The following ARHGAP18 variants were observed in gnomAD, a reference collection of about 807,000 sequenced individuals.
ARHGAP18 encodes the protein Rho GTPase activating protein 18.
In ARHGAP18, 67 loss-of-function variants were observed where a neutral mutation model predicts 86.2. The ratio of observed to expected loss-of-function variants is 0.78; its 90% CI spans 0.64 to 0.95. The LOEUF (loss-of-function observed/expected upper bound fraction) is 0.95, where lower values mean the gene tolerates loss of function less well. ARHGAP18 is among the 40% of genes least tolerant of loss of function. The probability of loss-of-function intolerance (pLI) is 0.00; values close to 1 mark genes in which losing one functional copy is unlikely to be tolerated. For synonymous variants in ARHGAP18, 283 were observed against 280.4 expected (o/e 1.01, Z -0.09); for missense variants, 691 against 780.4 (o/e 0.89, Z 1.37).
chr6:129,668,001 A>G (rs886549164), intron 1 of ARHGAP18, among the ~76,000 whole-genome samples: 1 of 152,212 alleles, frequency 6.6e-6, no homozygotes, highest in Non-Finnish European at 1.5e-5. Context: ...AGAGGCTGAC[A>G]ATAGTTTCCA....
At chr6:129,680,428 T>C (rs6908507) in intron 1 of ARHGAP18, among the ~76,000 whole-genome samples, 6,471 of 152,300 alleles carry the variant, frequency 0.042, 435 homozygotes, top group African/African-American at 0.14. Context: ...GGAAGTACCA[T>C]ACAAATTAAA....
At chr6:129,613,246 A>AG (rs892470000) in intron 7 of ARHGAP18, among the ~76,000 whole-genome samples, 5 of 151,486 alleles carry the variant, frequency 3.3e-5, no homozygotes, top group African/African-American at 1.2e-4. Context: ...AAAAAAAAAA[A>AG]AAAGAAAAGA....
At chr6:129,663,588 C>T (rs1304968971) in intron 1 of ARHGAP18, among the ~76,000 whole-genome samples, 1 of 152,164 alleles carries the variant, frequency 6.6e-6, no homozygotes, top group Non-Finnish European at 1.5e-5. Flanking sequence ...GACTCCCAGT[C>T]AGGAAACAGC....
At chr6:129,625,893 ATTATATAT>A (rs1789442313) in intron 5 of ARHGAP18, among the ~76,000 whole-genome samples, 1 of 86,578 alleles carries the variant, frequency 1.2e-5, no homozygotes, top group East Asian at 2.7e-4. Context: ...TATATTATAT[ATTATATAT>A]TTATATATTA....
intron 13 of ARHGAP18, among the ~76,000 whole-genome samples, chr6:129,580,927 A>C (rs1788274028): frequency 6.6e-6 from 1 of 152,172 alleles, no homozygotes; most frequent in Non-Finnish European, 1.5e-5. Context: ...TGTGCAAATG[A>C]GGGCAGCACA....
At chr6:129,663,775 G>A (rs188750999) in intron 1 of ARHGAP18, among the ~76,000 whole-genome samples, 2 of 152,330 alleles carry the variant, frequency 1.3e-5, no homozygotes, top group East Asian at 3.9e-4. Flanking sequence ...AGAACAATTA[G>A]CCACAATGAT....
intron 9 of ARHGAP18, among the ~76,000 whole-genome samples, chr6:129,606,857 A>G (rs1321468499): frequency 6.7e-6 from 1 of 149,114 alleles, no homozygotes; most frequent in Non-Finnish European, 1.5e-5. Flanking sequence ...AGCTCACCGC[A>G]ATTTATTCTT....
chr6:129,701,320 T>G (rs967448316), intron 1 of ARHGAP18, among the ~76,000 whole-genome samples: 5 of 152,164 alleles, frequency 3.3e-5, no homozygotes, highest in African/African-American at 1.2e-4. Context: ...GTCCTAAATA[T>G]CTTAGCAAAG....
intron 5 of ARHGAP18, among the ~76,000 whole-genome samples, chr6:129,627,655 G>A (rs1789508870): frequency 6.6e-6 from 1 of 151,592 alleles, no homozygotes; most frequent in African/African-American, 2.4e-5. Context: ...GGGAAAGGAA[G>A]AAAGAAGGAA....
chr6:129,656,635 T>C (rs898779467), intron 1 of ARHGAP18, among the ~76,000 whole-genome samples: 2 of 149,728 alleles, frequency 1.3e-5, no homozygotes, highest in Non-Finnish European at 3.0e-5. Context: ...CAAAGCGAGA[T>C]TCCGTCTCAA....
At chr6:129,637,179 C>T (rs933782248) in intron 3 of ARHGAP18, among the ~76,000 whole-genome samples, 1 of 151,988 alleles carries the variant, frequency 6.6e-6, no homozygotes, top group African/African-American at 2.4e-5. Flanking sequence ...ATCCTCTGGC[C>T]TCAGCCCCGC....
chr6:129,637,119 C>A (rs371933227), intron 3 of ARHGAP18, among the ~76,000 whole-genome samples: 1 of 151,510 alleles, frequency 6.6e-6, no homozygotes, highest in Non-Finnish European at 1.5e-5. Context: ...GCCTGGAGTG[C>A]GGTGGCATGA....
intron 10 of ARHGAP18, 30 bp downstream of exon 10, chr6:129,605,847 G>A (rs1267950577): frequency 1.3e-6 from 2 of 1,567,168 alleles, no homozygotes; most frequent in Non-Finnish European, 1.8e-6. Flanking sequence ...TACTTCTAAG[G>A]GATATTTAAT....
At position 129,629,471 on chromosome 6, in the gene ARHGAP18, G is replaced by A. The variant is rs763511682; in HGVS notation, c.668C>T (p.Thr223Met). Residue 223 changes from threonine to methionine, a missense_variant, in exon 5 of 15, where the codon ACG (threonine) becomes ATG (methionine). Coordinates refer to ENST00000368149, the MANE Select transcript of ARHGAP18 (RefSeq NM_033515.3). ...GTTGATGTCTGTTTCAGGGGCAGGCGTCTCCTCAGGTGGGATCAGCTTCTC... is the reference window on the plus strand; with the variant it reads ...GTTGATGTCTGTTTCAGGGGCAGGCATCTCCTCAGGTGGGATCAGCTTCTC... ...GEEKLIPPEE[T>M]PAPETDINLE... 9.9e-6 allele frequency: 16 copies of A among 1,613,642 alleles called. No individual in the cohort carries two copies. Among genetic ancestry groups the A allele is most frequent in the African/African-American group, 5.3e-5 (4 of 74,806 alleles).
At chr6:129,689,976 T>A (rs1213206411) in intron 1 of ARHGAP18, among the ~76,000 whole-genome samples, 1 of 152,234 alleles carries the variant, frequency 6.6e-6, no homozygotes. Context: ...AGAAGGCTGA[T>A]TCATTTTTAA....
chr6:129,693,910 G>A (rs995177863), intron 1 of ARHGAP18, among the ~76,000 whole-genome samples: 1 of 94,848 alleles, frequency 1.1e-5, no homozygotes, highest in African/African-American at 2.7e-5. Flanking sequence ...TATACGAACA[G>A]CTGACCATGA....
intron 12 of ARHGAP18, among the ~76,000 whole-genome samples, chr6:129,595,850 C>T (rs1440907756): frequency 6.6e-6 from 1 of 152,138 alleles, no homozygotes; most frequent in Non-Finnish European, 1.5e-5. Context: ...CAATACCATC[C>T]TTCCAATTTC....
intron 7 of ARHGAP18, among the ~76,000 whole-genome samples, chr6:129,613,779 TTTA>T (rs879607030): frequency 1.3e-5 from 2 of 152,180 alleles, no homozygotes; most frequent in Admixed American, 6.5e-5. Flanking sequence ...TAGCATTCCT[TTTA>T]TTATCAGGAT....
chr6:129,667,469 ATGTGTGTGTGTGTG>A lies in ARHGAP18; in HGVS notation c.114-25465_114-25452del, dbSNP rs376500003. On this transcript the variant is annotated intron_variant, in intron 1 of 14. Coordinates refer to ENST00000368149, the MANE Select transcript of ARHGAP18 (RefSeq NM_033515.3). ...GGTCTATATCAAAAGAAAAATATATATGTGTGTGTGTGTGTGTGTGTGTGTGTGTGTGTGTGTTG... is the reference window on the plus strand; with the variant it reads ...GGTCTATATCAAAAGAAAAATATATATGTGTGTGTGTGTGTGTGTGTGTTG... Among the ~76,000 whole-genome samples the A allele has an allele frequency of 1.2e-4, 13 of 104,238 alleles. No individual in the cohort carries two copies. The South Asian group carries it at 1.4e-3, about 11-fold the overall frequency. The allele number at this position is 104,238 out of a possible 152,430, so 68.4% of individuals were successfully genotyped here. A position where few individuals can be genotyped will look rare whatever the true frequency, so the allele number is the denominator to read the frequency against.
Sources: allele counts gnomAD v4.1 joint callset (sites outside exome capture counted in the v4.1 genomes callset), GRCh38; gene constraint gnomAD v4.1.1; transcripts MANE v1.5; gene names NCBI Gene and HGNC (gene_info 2026-07-23, HGNC 2026-07-21).